PIGF: variants seen among roughly 807,000 people sequenced by gnomAD.
PIGF encodes the protein GPI ethanolamine phosphate transferase, stabilizing subunit.
PIGF carries 23 observed loss-of-function variants against 26.0 expected under a neutral mutation model. That is an observed-to-expected ratio of 0.88 (90% CI 0.64 to 1.25). The LOEUF (loss-of-function observed/expected upper bound fraction) is 1.25, where lower values mean the gene tolerates loss of function less well. Ranked by LOEUF, PIGF falls within the 50% of genes most tolerant of loss-of-function variation. The pLI is 0.00. For synonymous variants in PIGF, 93 were observed against 92.6 expected (o/e 1.00, Z -0.03); for missense variants, 278 against 249.9 (o/e 1.11, Z -0.76).
In PIGF at chr2:46,589,296, T is replaced by C. The variant is rs1215104973; in HGVS notation, c.546+3179A>G. Among the ~76,000 whole-genome samples the C allele has an allele frequency of 2.0e-5, 3 of 152,076 alleles. No homozygotes were observed. The highest frequency in any genetic ancestry group is 1.5e-5 in the Non-Finnish European group (1 of 67,914). On this transcript the variant is annotated intron_variant, in intron 5 of 5. Transcript: ENST00000281382. This position sits in a 1 kb window ranked among gnomAD's most constrained non-coding sequence, Gnocchi z 4.7. ...TATATTAAGTTAAAAAACTTTTACATTGAGATCACATATTTTCAGTGGGCC... is the reference window on the plus strand; with the variant it reads ...TATATTAAGTTAAAAAACTTTTACACTGAGATCACATATTTTCAGTGGGCC...
At chr2:46,613,088 ATG>A (rs1245463887) in intron 3 of PIGF, among the ~76,000 whole-genome samples, 3 of 151,596 alleles carry the variant, frequency 2.0e-5, no homozygotes, top group Non-Finnish European at 4.4e-5. Flanking sequence ...ACACAAATAT[ATG>A]TGTGTGTATA....
In PIGF at chr2:46,588,005, T is replaced by C. The variant is rs989467067; in HGVS notation, c.546+4470A>G. The C allele has an allele frequency of 7.5e-7, 1 of 1,337,452 alleles. No individual in the cohort carries two copies. The highest frequency in any genetic ancestry group is 1.7e-5 in the South Asian group (1 of 58,460). 82.8% of individuals were successfully genotyped at this position (1,337,452 alleles called of 1,614,324 possible). On this transcript the variant is annotated intron_variant, in intron 5 of 5. Coordinates refer to ENST00000281382, the MANE Select transcript of PIGF (RefSeq NM_002643.4). The surrounding 1 kb of genome is among the most constrained non-coding windows in gnomAD (Gnocchi z 4.1). ...CTCCCTCTTCCCACCTGAGTAATGC[T>C]AAGCAAGATGTGTACTCCTCCCCTC...
rs765103856 is a variant in PIGF, at chr2:46,612,268, G to T, written c.397C>A (p.Pro133Thr). 5 of 1,461,188 alleles carry T rather than the reference G, an allele frequency of 3.4e-6. No individual in the cohort carries two copies. The highest frequency in any genetic ancestry group is 5.3e-5 in the East Asian group (2 of 37,690). 90.5% of individuals were successfully genotyped at this position (1,461,188 alleles called of 1,614,324 possible). Residue 133 changes from proline to threonine, a missense_variant, in exon 4 of 6, where the codon CCA becomes ACA. Physicochemically the swap from Pro to Thr is conservative, Grantham distance 38. Transcript: ENST00000281382. The stretch of plus-strand genomic sequence containing the variant: ...ACTCTTAGCCATGCTTTGAGGTTTG[G>T]TCCTAACAAACATAAGCAAGGCACA... Reference protein sequence around the residue: ...TTVPCLCLLGPNLKAWLRVFS... With the variant: ...TTVPCLCLLGTNLKAWLRVFS...
At chr2:46,613,478 T>C (rs376046275) in intron 3 of PIGF, among the ~76,000 whole-genome samples, 23 of 152,290 alleles carry the variant, frequency 1.5e-4, no homozygotes, top group African/African-American at 5.1e-4. Flanking sequence ...CAACATGCAA[T>C]TGGATACTAG....
rs185730466 is a variant in PIGF, at chr2:46,587,044, G to C, written c.546+5431C>G. Among the ~76,000 whole-genome samples, 17 of 152,356 alleles carry C rather than the reference G, an allele frequency of 1.1e-4. No individual in the cohort carries two copies. In the East Asian group the frequency reaches 3.3e-3, roughly 29 times the overall value. On this transcript the variant is annotated intron_variant, in intron 5 of 5. Coordinates refer to ENST00000281382, the MANE Select transcript of PIGF (RefSeq NM_002643.4). The stretch of plus-strand genomic sequence containing the variant: ...CAGCATTATTCTCTCTAACATGAAA[G>C]TCCTGTTAGCAGAGCATTATCAACA...
At chr2:46,607,663 C>G (rs1440982302) in intron 4 of PIGF, among the ~76,000 whole-genome samples, 6 of 151,380 alleles carry the variant, frequency 4.0e-5, no homozygotes, top group East Asian at 1.9e-4. Flanking sequence ...GCTGACTGAT[C>G]AGGGTGGTGG....
Position 46,592,495 on chromosome 2 carries a change from C to A in PIGF, c.526G>T (p.Asp176Tyr). 6.3e-7 allele frequency: 1 copy of A among 1,597,314 alleles called. No individual in the cohort carries two copies. Residue 176 changes from aspartate (D) to tyrosine (Y), a missense_variant, in exon 5 of 6, where the codon GAT (aspartate) becomes TAT (tyrosine). Physicochemically the swap from Asp to Tyr is radical, Grantham distance 160 (BLOSUM62 -3). Transcript: ENST00000281382. ...AWLGALPIPL[D>Y]WERPWQVWPI... ...CCAACCTGCCATGGTCTTTCCCAAT[C>A]CAGTGGAATAGGAAGTGCTCCAAGC...
At chr2:46,614,696 C>T (rs971107989) in intron 2 of PIGF, 43 of 361,510 alleles carry the variant, frequency 1.2e-4, no homozygotes, top group African/African-American at 4.1e-5. Flanking sequence ...ACTATATAGG[C>T]TCACAATATT....
At chr2:46,590,841 G>A (rs2104075067) in intron 5 of PIGF, among the ~76,000 whole-genome samples, 1 of 152,314 alleles carries the variant, frequency 6.6e-6, no homozygotes, top group South Asian at 2.1e-4. Context: ...CTAATATAGT[G>A]ATGAAGAGTT....
chr2:46,611,470 G>A (rs1250983234), intron 4 of PIGF, among the ~76,000 whole-genome samples: 2 of 145,686 alleles, frequency 1.4e-5, no homozygotes, highest in East Asian at 2.0e-4. Flanking sequence ...GCGACAGAGC[G>A]AGGTTCCATC....
chr2:46,582,841 A>G (rs1669444555), intron 5 of PIGF: 1 of 152,592 alleles, frequency 6.6e-6, no homozygotes, highest in Non-Finnish European at 1.5e-5. Flanking sequence ...TTCCCATTGA[A>G]GAGTGGAGAG....
At chr2:46,595,724 G>A (rs1162709095) in intron 4 of PIGF, among the ~76,000 whole-genome samples, 1 of 152,180 alleles carries the variant, frequency 6.6e-6, no homozygotes, top group Admixed American at 6.5e-5. Flanking sequence ...CCCACCAGCA[G>A]TGTATGAGGA....
intron 4 of PIGF, among the ~76,000 whole-genome samples, chr2:46,605,085 C>A (rs375381205): frequency 4.4e-4 from 67 of 151,980 alleles, no homozygotes; most frequent in African/African-American, 1.6e-3. Context: ...ACTAGTAATT[C>A]TTTGTGAATA....
chr2:46,591,895 G>A lies in PIGF; in HGVS notation c.546+580C>T, dbSNP rs778946106. Reference sequence around the variant, plus strand: ...GTGAGCTTTCTTGATAACACAGGCCGCTGCTGCAAAAATTACCTTGCTATC... The same window carrying A: ...GTGAGCTTTCTTGATAACACAGGCCACTGCTGCAAAAATTACCTTGCTATC... On this transcript the variant is annotated intron_variant, in intron 5 of 5. Coordinates refer to ENST00000281382, the MANE Select transcript of PIGF (RefSeq NM_002643.4). The A allele has an allele frequency of 1.6e-5, 21 of 1,303,548 alleles. No homozygotes were observed. The Middle Eastern group carries it at 1.3e-3, about 79-fold the overall frequency. The allele number at this position is 1,303,548 out of a possible 1,614,324, so 80.7% of individuals were successfully genotyped here.
chr2:46,604,273 A>G (rs1392891167), intron 4 of PIGF, among the ~76,000 whole-genome samples: 1 of 152,068 alleles, frequency 6.6e-6, no homozygotes, highest in Admixed American at 6.5e-5. Flanking sequence ...TGGGAATGTA[A>G]ATCAGTACAA....
intron 4 of PIGF, among the ~76,000 whole-genome samples, chr2:46,596,685 G>A (rs1003579270): frequency 6.6e-6 from 1 of 150,924 alleles, no homozygotes; most frequent in Non-Finnish European, 1.5e-5. Flanking sequence ...CATAAATTAA[G>A]TATAGATTTT....
chr2:46,607,707 T>C (rs1670269119), intron 4 of PIGF, among the ~76,000 whole-genome samples: 1 of 152,050 alleles, frequency 6.6e-6, no homozygotes, highest in African/African-American at 2.4e-5. Context: ...TTTCTTTTTT[T>C]TTTTTAAGAC....
chr2:46,585,354 T>C (rs1033653340), intron 5 of PIGF, among the ~76,000 whole-genome samples: 3 of 152,178 alleles, frequency 2.0e-5, no homozygotes, highest in African/African-American at 7.2e-5. Flanking sequence ...AAACAACCTA[T>C]GGTGTATAAT....
chr2:46,614,038 G>A lies in PIGF; in HGVS notation c.229-253C>T, dbSNP rs1353329096. 1.7e-5 allele frequency: 6 copies of A among 352,472 alleles called. No individual in the cohort carries two copies. In the East Asian group the frequency reaches 2.4e-4, roughly 14 times the overall value. 21.8% of individuals were successfully genotyped at this position (352,472 alleles called of 1,614,324 possible). A position where few individuals can be genotyped will look rare whatever the true frequency, so the allele number is the denominator to read the frequency against. On this transcript the variant is annotated intron_variant, in intron 2 of 5. Coordinates refer to ENST00000281382, the MANE Select transcript of PIGF (RefSeq NM_002643.4). ...ATCCGACCTACATGAGTCGAAAAGA[G>A]GTTCTGTTTCCATGGTAATATAGAG...
Sources: gnomAD v4.1 joint callset for allele counts (sites outside exome capture counted in the v4.1 genomes callset) on GRCh38, gnomAD v4.1.1 for gene constraint, Gnocchi (gnomAD v3.1) non-coding constraint, MANE v1.5 for transcripts, NCBI Gene and HGNC (gene_info 2026-07-23, HGNC 2026-07-21) for gene names.